The following PAPSS2 variants were observed in gnomAD, a reference collection of about 807,000 sequenced individuals.
PAPSS2 encodes bifunctional 3'-phosphoadenosine 5'-phosphosulfate synthase 2.
A neutral mutation model predicts 66.5 loss-of-function variants in PAPSS2; 61 were observed. The observed-to-expected ratio is 0.92, with a 90% confidence interval of 0.75 to 1.14. PAPSS2 has a LOEUF of 1.14. Among genes scored for constraint, PAPSS2 ranks in the 50% most tolerant of loss-of-function variants. The pLI, the probability that PAPSS2 is intolerant of heterozygous loss-of-function variation, is 0.00. For synonymous variants in PAPSS2, 289 were observed against 287.5 expected (o/e 1.01, Z -0.05); for missense variants, 708 against 789.6 (o/e 0.90, Z 1.24).
At chr10:87,706,096 A>ATGTGTG (rs1853381480) in intron 1 of PAPSS2, among the ~76,000 whole-genome samples, 1 of 86,832 alleles carries the variant, frequency 1.2e-5, no homozygotes, top group South Asian at 5.0e-4. Context: ...ATATATATAT[A>ATGTGTG]TATATATATA....
At chr10:87,700,583 G>C (rs2131921788) in intron 1 of PAPSS2, among the ~76,000 whole-genome samples, 1 of 151,586 alleles carries the variant, frequency 6.6e-6, no homozygotes, top group South Asian at 2.1e-4. Context: ...GCTTGAGCCG[G>C]AGACGTGGAG....
intron 8 of PAPSS2, among the ~76,000 whole-genome samples, chr10:87,724,851 T>TACACACACAC (rs58668772): frequency 3.6e-5 from 5 of 138,280 alleles, no homozygotes; most frequent in South Asian, 5.1e-4. Context: ...TCTCTGTCTA[T>TACACACACAC]ACACACACAC....
At chr10:87,698,254 G>A (rs1369742218) in intron 1 of PAPSS2, among the ~76,000 whole-genome samples, 4 of 151,992 alleles carry the variant, frequency 2.6e-5, no homozygotes, top group South Asian at 2.1e-4. Flanking sequence ...GTGTTTTCTC[G>A]TTCACAGCAT....
chr10:87,745,559 G>A (rs1282374830), intron 12 of PAPSS2, among the ~76,000 whole-genome samples: 1 of 152,106 alleles, frequency 6.6e-6, no homozygotes, highest in Non-Finnish European at 1.5e-5. Context: ...TCATGCTGAG[G>A]GTTCACAGAA....
intron 1 of PAPSS2, among the ~76,000 whole-genome samples, chr10:87,694,826 A>G (rs1853212336): frequency 6.6e-6 from 1 of 152,248 alleles, no homozygotes; most frequent in South Asian, 2.1e-4. Context: ...GCTGGAAATC[A>G]GTAAAGGGGC....
intron 9 of PAPSS2, among the ~76,000 whole-genome samples, chr10:87,734,641 T>A (rs191282813): frequency 7.6e-6 from 1 of 131,772 alleles, no homozygotes; most frequent in Admixed American, 8.1e-5. Context: ...CTATGACTGA[T>A]AGCACAGAAA....
rs765291988 is a variant in PAPSS2, at chr10:87,745,124, C to G, written c.1614C>G (p.Gly538=). 1 of 1,614,156 alleles carries G rather than the reference C, an allele frequency of 6.2e-7. No homozygotes were observed. Among genetic ancestry groups the G allele is most frequent in the Non-Finnish European group, 8.5e-7 (1 of 1,180,004 alleles). Residue 538 remains glycine (G), a synonymous_variant, in exon 12 of 13, where the codon GGC becomes GGG. Coordinates refer to ENST00000456849, the MANE Select transcript of PAPSS2 (RefSeq NM_001015880.2). ...ATCTGTATGAACCCACTCATGGGGG[C>G]AAGGTCTTGAGCATGGCCCCTGGCC... The part of the protein sequence containing the change: ...KKDLYEPTHG[G]KVLSMAPGLT...
At chr10:87,707,222 C>G (rs1266012192) in intron 1 of PAPSS2, among the ~76,000 whole-genome samples, 1 of 152,180 alleles carries the variant, frequency 6.6e-6, no homozygotes, top group Non-Finnish European at 1.5e-5. Flanking sequence ...CTTTCTAGCT[C>G]TAAGGAATTC....
At chr10:87,686,781 G>A (rs1853095047) in intron 1 of PAPSS2, among the ~76,000 whole-genome samples, 1 of 152,148 alleles carries the variant, frequency 6.6e-6, no homozygotes, top group Non-Finnish European at 1.5e-5. Context: ...GAGAAGAGGG[G>A]CATTCCTTTG....
Position 87,724,851 on chromosome 10 carries a change from T to TACACACACACACACACACAC in PAPSS2, c.881-2431_881-2412dup, listed in dbSNP as rs58668772. Among the ~76,000 whole-genome samples the TACACACACACACACACACAC allele has an allele frequency of 5.3e-3, 740 of 138,322 alleles. 15 individuals are homozygous for TACACACACACACACACACAC. The highest frequency in any genetic ancestry group is 0.041 in the East Asian group (189 of 4,652). The allele number at this position is 138,322 out of a possible 152,430, so 90.7% of individuals were successfully genotyped here. A position where few individuals can be genotyped will look rare whatever the true frequency, so the allele number is the denominator to read the frequency against. On this transcript the variant is annotated intron_variant, in intron 8 of 12. Transcript: ENST00000456849. ...TAGGTATACAATAAATCTCTGTCTA[T>TACACACACACACACACACAC]ACACACACACACACACACACATACA...
At chr10:87,739,050 G>A (rs1307377377) in intron 9 of PAPSS2, among the ~76,000 whole-genome samples, 1 of 152,098 alleles carries the variant, frequency 6.6e-6, no homozygotes, top group Non-Finnish European at 1.5e-5. Context: ...TGTTGCCCAT[G>A]TTTTAGATGT....
At chr10:87,700,069 T>TTAAC (rs1853283977) in intron 1 of PAPSS2, among the ~76,000 whole-genome samples, 1 of 152,180 alleles carries the variant, frequency 6.6e-6, no homozygotes, top group Non-Finnish European at 1.5e-5. Flanking sequence ...GAGATTAATG[T>TTAAC]TAACTCACTC....
chr10:87,695,146 C>G (rs7475299), intron 1 of PAPSS2, among the ~76,000 whole-genome samples: 1 of 151,854 alleles, frequency 6.6e-6, no homozygotes, highest in African/African-American at 2.4e-5. Flanking sequence ...TTATAAAAAA[C>G]AAAGTTATTT....
intron 1 of PAPSS2, among the ~76,000 whole-genome samples, chr10:87,694,948 C>G (rs559348033): frequency 2.0e-5 from 3 of 152,244 alleles, no homozygotes; most frequent in East Asian, 3.9e-4. Flanking sequence ...AAAGTTAGGC[C>G]AGGCCAAGGG....
chr10:87,661,183 G>T (rs1852748022), intron 1 of PAPSS2: 1 of 382,678 alleles, frequency 2.6e-6, no homozygotes, highest in South Asian at 2.0e-5. Context: ...TGGGGAAGGA[G>T]TGTGGAGGGG....
chr10:87,743,571 G>A lies in PAPSS2; in HGVS notation c.1421G>A (p.Gly474Glu). ...MKQHAAVLEE[G>E]VLDPKSTIVA... ...CAGCACGCGGCTGTGCTCGAGGAAG[G>A]GGTCCTGGATCCCAAGTCAACCATT... is the stretch of plus-strand genomic sequence containing the variant. Residue 474 changes from glycine (G) to glutamate (E), a missense_variant, in exon 11 of 13, where the codon GGG becomes GAG. By Grantham distance (98) the Gly-to-Glu change is moderately conservative (BLOSUM62 -2). Coordinates refer to ENST00000456849, the MANE Select transcript of PAPSS2 (RefSeq NM_001015880.2). 1 of 1,614,132 alleles carries A rather than the reference G, an allele frequency of 6.2e-7. No homozygotes were observed. Among genetic ancestry groups the A allele is most frequent in the African/African-American group, 1.3e-5 (1 of 75,046 alleles).
Position 87,659,987 on chromosome 10 carries a change from G to A in PAPSS2, c.6G>A (p.Ser2=), listed in dbSNP as rs776329912. The A allele has an allele frequency of 3.1e-6, 5 of 1,613,308 alleles. No individual in the cohort carries two copies. The highest frequency in any genetic ancestry group is 4.2e-6 in the Non-Finnish European group (5 of 1,179,730). Residue 2 remains serine (S), a synonymous_variant, in exon 1 of 13, where the codon TCG becomes TCA. Transcript: ENST00000456849. Reference sequence around the variant, plus strand: ...CTCCGCCGCAGCCAGCCAGCATGTCGGGGATCAAGAAGCAAAAGACGGTAG... The same window carrying A: ...CTCCGCCGCAGCCAGCCAGCATGTCAGGGATCAAGAAGCAAAAGACGGTAG... The part of the protein sequence containing the change: M[S]GIKKQKTENQ...
rs533206003 is a variant in PAPSS2 at position 87,743,014 on chromosome 10, G to C, written c.1223-359G>C. 1.2e-3 allele frequency among the ~76,000 whole-genome samples: 179 copies of C among 152,340 alleles called. 2 individuals carry two copies. Among genetic ancestry groups the C allele is most frequent in the Middle Eastern group, 3.4e-3 (1 of 294 alleles). Reference sequence around the variant, plus strand: ...TAATCCCAACACTTTGGGAGGCTGAGGCAGGCGGATCACTTGAGGTCAGGG... The same window carrying C: ...TAATCCCAACACTTTGGGAGGCTGACGCAGGCGGATCACTTGAGGTCAGGG... On this transcript the variant is annotated intron_variant, in intron 10 of 12. Coordinates refer to ENST00000456849, the MANE Select transcript of PAPSS2 (RefSeq NM_001015880.2).
At chr10:87,745,636 G>C (rs543645088) in intron 12 of PAPSS2, among the ~76,000 whole-genome samples, 196 bp from the exon 13 acceptor site, 1 of 152,170 alleles carries the variant, frequency 6.6e-6, no homozygotes, top group African/African-American at 2.4e-5. Context: ...TAGGCGCATG[G>C]CAAATACTAA....
Sources: allele counts gnomAD v4.1 joint callset (sites outside exome capture counted in the v4.1 genomes callset), GRCh38; gene constraint gnomAD v4.1.1; transcripts MANE v1.5; gene names NCBI Gene and HGNC (gene_info 2026-07-23, HGNC 2026-07-21).